The following PPIP5K2 variants were observed in gnomAD, a reference collection of about 807,000 sequenced individuals.
PPIP5K2 encodes inositol hexakisphosphate and diphosphoinositol-pentakisphosphate kinase 2.
PPIP5K2 carries 105 observed loss-of-function variants against 154.6 expected under a neutral mutation model. That is an observed-to-expected ratio of 0.68 (90% confidence interval 0.58 to 0.80). The LOEUF is 0.80. PPIP5K2 is among the 30% of genes least tolerant of loss of function. PPIP5K2 has a pLI of 0.00. For synonymous variants in PPIP5K2, 480 were observed against 490.3 expected (o/e 0.98, Z 0.28); for missense variants, 992 against 1,504.6 (o/e 0.66, Z 5.64).
chr5:103,174,047 T>A, intron 21 of PPIP5K2, 75 bp downstream of exon 21: 24 of 1,160,962 alleles, frequency 2.1e-5, no homozygotes, highest in Non-Finnish European at 2.8e-5. Context: ...CTATTTTTAC[T>A]GTGAAATTTT....
intron 17 of PPIP5K2, among the ~76,000 whole-genome samples, chr5:103,160,396 G>C (rs1331401579): frequency 6.6e-6 from 1 of 151,844 alleles, no homozygotes; most frequent in Non-Finnish European, 1.5e-5. Context: ...ATTTTTTAAG[G>C]TTCATAGAAC....
At chr5:103,184,895 C>A in intron 26 of PPIP5K2, 151 bp downstream of exon 26, 1 of 551,718 alleles carries the variant, frequency 1.8e-6, no homozygotes, top group Non-Finnish European at 3.1e-6. Flanking sequence ...TTGTATAACT[C>A]AAAATAAAGT....
At chr5:103,163,177 G>T (rs154355) in intron 17 of PPIP5K2, among the ~76,000 whole-genome samples, 47,702 of 144,518 alleles carry the variant, frequency 0.33, 7,895 homozygotes, top group East Asian at 0.47. Flanking sequence ...TAGGTTGTAT[G>T]ATATCTGTAG....
intron 7 of PPIP5K2, 52 bp downstream of exon 7, chr5:103,148,084 T>C (rs782276933): frequency 7.9e-7 from 1 of 1,272,204 alleles, no homozygotes; most frequent in South Asian, 1.3e-5. Flanking sequence ...TTACCAATGA[T>C]ATCAGAAAAA....
chr5:103,133,408 G>A (rs1790965697), intron 2 of PPIP5K2, 45 bp from the exon 3 acceptor site: 1 of 1,543,188 alleles, frequency 6.5e-7, no homozygotes. Flanking sequence ...GTACTTTGGA[G>A]TTCATGTAAA....
At chr5:103,183,452 A>G (rs782631497) in intron 25 of PPIP5K2, 45 bp downstream of exon 25, 1 of 1,516,968 alleles carries the variant, frequency 6.6e-7, no homozygotes, top group African/African-American at 1.4e-5. Context: ...CCCTGCATTC[A>G]GAGCAACAAA....
rs574181114 is a variant in PPIP5K2, at chr5:103,206,524, G to A, written c.*4890G>A. 2.6e-5 allele frequency: 4 copies of A among 152,228 alleles called. No homozygotes were observed. Among genetic ancestry groups the A allele is most frequent in the East Asian group, 1.9e-4 (1 of 5,176 alleles). The allele number at this position is 152,228 out of a possible 1,614,324, so 9.4% of individuals were successfully genotyped here. Reference sequence around the variant, plus strand: ...AGCAGATGATGGAGTCAGTTTTTCCGAAAAGCCTCAGCACTGTTGACATTT... The same window carrying A: ...AGCAGATGATGGAGTCAGTTTTTCCAAAAAGCCTCAGCACTGTTGACATTT... On this transcript the variant is annotated 3_prime_UTR_variant, in exon 31 of 31. Coordinates refer to ENST00000358359, the MANE Select transcript of PPIP5K2 (RefSeq NM_001276277.3).
intron 17 of PPIP5K2, among the ~76,000 whole-genome samples, chr5:103,165,880 A>G (rs1421639736): frequency 6.6e-6 from 1 of 152,124 alleles, no homozygotes; most frequent in Non-Finnish European, 1.5e-5. Flanking sequence ...CAGTTGGTTT[A>G]ACTTACACAA....
intron 1 of PPIP5K2, among the ~76,000 whole-genome samples, chr5:103,127,438 G>A (rs1471066287): frequency 6.6e-6 from 1 of 152,160 alleles, no homozygotes; most frequent in African/African-American, 2.4e-5. Context: ...AAGGAAAAGA[G>A]CCATGTTTAC....
intron 28 of PPIP5K2, 26 bp from the exon 29 acceptor site, chr5:103,190,816 T>C: frequency 6.4e-7 from 1 of 1,551,706 alleles, no homozygotes; most frequent in Non-Finnish European, 8.7e-7. Flanking sequence ...CTTTTATTTT[T>C]TGTTTTTGGT....
rs376209596 is a variant in PPIP5K2 at position 103,154,959 on chromosome 5, A to T, written c.1403+16A>T. 1 of 1,490,012 alleles carries T rather than the reference A, an allele frequency of 6.7e-7. No individual in the cohort carries two copies. The highest frequency in any genetic ancestry group is 9.1e-7 in the Non-Finnish European group (1 of 1,098,398). 92.3% of individuals were successfully genotyped at this position (1,490,012 alleles called of 1,614,324 possible). On this transcript the variant is annotated intron_variant, in intron 13 of 30. Coordinates refer to ENST00000358359, the MANE Select transcript of PPIP5K2 (RefSeq NM_001276277.3). ...TATTAGAGATGTGAGTATCTTTTTG[A>T]AACGCTTAATTGTGGTACTACATAT... is the stretch of plus-strand genomic sequence containing the variant.
intron 4 of PPIP5K2, 35 bp from the exon 5 acceptor site, chr5:103,138,349 A>C: frequency 8.0e-7 from 1 of 1,251,476 alleles, no homozygotes; most frequent in Non-Finnish European, 1.1e-6. Flanking sequence ...GAAATGGAGC[A>C]ATAAAACAAT....
In PPIP5K2 at chr5:103,151,291, A is replaced by G. The variant is rs782247536; in HGVS notation, c.945A>G (p.Gly315=). 219 of 1,609,330 alleles carry G rather than the reference A, an allele frequency of 1.4e-4. No homozygotes were observed. Among genetic ancestry groups the G allele is most frequent in the Non-Finnish European group, 1.8e-4 (216 of 1,176,614 alleles). Residue 315 remains glycine, a synonymous_variant, in exon 9 of 31, where the codon GGA becomes GGG. Coordinates refer to ENST00000358359, the MANE Select transcript of PPIP5K2 (RefSeq NM_001276277.3). The stretch of plus-strand genomic sequence containing the variant: ...GCTTTGATTTGTTACGGGCCAATGG[A>G]CAGTCCTATGTCTGTGATGTCAATG... ...VCGFDLLRAN[G]QSYVCDVNGF...
At chr5:103,124,276 C>G (rs1441263985) in intron 1 of PPIP5K2, among the ~76,000 whole-genome samples, 1 of 80,660 alleles carries the variant, frequency 1.2e-5, no homozygotes, top group Non-Finnish European at 2.5e-5. Context: ...GAGACTCCAT[C>G]TCAAAAAAAA....
chr5:103,179,034 A>G (rs1390892836), intron 23 of PPIP5K2, among the ~76,000 whole-genome samples: 1 of 151,930 alleles, frequency 6.6e-6, no homozygotes, highest in Non-Finnish European at 1.5e-5. Flanking sequence ...TATTCATTCT[A>G]ATAATTTACC....
rs1018352379 is a variant in PPIP5K2 at position 103,212,788 on chromosome 5, A to T, written c.*11154A>T. On this transcript the variant is annotated 3_prime_UTR_variant, in exon 31 of 31. Coordinates refer to ENST00000358359, the MANE Select transcript of PPIP5K2 (RefSeq NM_001276277.3). ...TCATTACCCAAGTAAAACTGTTTTC[A>T]TTTTTCCATTATCCCTTTTAGTTGT... The T allele has an allele frequency of 5.9e-5, 9 of 151,956 alleles. No individual in the cohort carries two copies. The highest frequency in any genetic ancestry group is 2.2e-4 in the African/African-American group (9 of 41,472). The allele number at this position is 151,956 out of a possible 1,614,324, so 9.4% of individuals were successfully genotyped here. A position where few individuals can be genotyped will look rare whatever the true frequency, so the allele number is the denominator to read the frequency against.
intron 18 of PPIP5K2, 135 bp downstream of exon 18, chr5:103,167,455 A>G: frequency 1.1e-5 from 7 of 613,370 alleles, no homozygotes; most frequent in Non-Finnish European, 1.8e-5. Flanking sequence ...GTTAATGTAT[A>G]TCAAGCAAAA....
At chr5:103,150,175 C>T (rs561003625) in intron 8 of PPIP5K2, among the ~76,000 whole-genome samples, 1 of 152,168 alleles carries the variant, frequency 6.6e-6, no homozygotes, top group South Asian at 2.1e-4. Flanking sequence ...GTATATATTA[C>T]TGGTTGTTAA....
intron 28 of PPIP5K2, 25 bp downstream of exon 28, chr5:103,187,401 G>C: frequency 1.4e-6 from 2 of 1,478,908 alleles, no homozygotes; most frequent in Non-Finnish European, 1.8e-6. Flanking sequence ...TATTTTAAAA[G>C]ATACTCCCCT....
Sources: gnomAD v4.1 joint callset for allele counts (sites outside exome capture counted in the v4.1 genomes callset) on GRCh38, gnomAD v4.1.1 for gene constraint, MANE v1.5 for transcripts, NCBI Gene and HGNC (gene_info 2026-07-23, HGNC 2026-07-21) for gene names.